Variants in PRMT3 observed in about 807,000 individuals in gnomAD.
PRMT3 encodes the protein protein arginine methyltransferase 3.
Under a neutral mutation model 71.9 loss-of-function variants are expected in PRMT3, and 62 were observed. The observed-to-expected ratio is 0.86, with a 90% confidence interval of 0.70 to 1.07. The LOEUF (loss-of-function observed/expected upper bound fraction) is 1.07. Among genes scored for constraint, PRMT3 ranks in the 50% least tolerant of loss-of-function variants. The probability of loss-of-function intolerance (pLI) is 0.00; values close to 1 mark genes in which losing one functional copy is unlikely to be tolerated. For missense variants in PRMT3, 663 were observed against 643.0 expected, an observed-to-expected ratio of 1.03 and a Z score of -0.34; for synonymous variants, 213 against 220.4, an observed-to-expected ratio of 0.97 and a Z score of 0.30.
At chr11:20,502,030 G>T (rs559163704) in intron 15 of PRMT3, among the ~76,000 whole-genome samples, 1 of 151,884 alleles carries the variant, frequency 6.6e-6, no homozygotes, top group African/African-American at 2.4e-5. Context: ...TCATTGCTCC[G>T]GAAGAAATTA....
intron 15 of PRMT3, among the ~76,000 whole-genome samples, chr11:20,506,121 ATAGCAATATTTTGTGACCATTAAG>A (rs1851585300): frequency 6.6e-6 from 1 of 152,174 alleles, no homozygotes; most frequent in Non-Finnish European, 1.5e-5. Flanking sequence ...CGCTTACCTC[ATAGCAATATTTTGTGACCATTAAG>A]TGAGATAAAT....
rs149683006 is a variant in PRMT3, at chr11:20,435,522, T to G, written c.993+8657T>G. 5.4e-3 allele frequency among the ~76,000 whole-genome samples: 827 copies of G among 152,074 alleles called. 7 individuals carry two copies. The highest frequency in any genetic ancestry group is 0.019 in the African/African-American group (769 of 41,548). On this transcript the variant is annotated intron_variant, in intron 10 of 15. Transcript: ENST00000331079. ...GTTGATTTTTGTATATGGTAGGAGA[T>G]AGGGATCTAGTTTGATTTTTGTTTG...
At chr11:20,424,960 C>T (rs1299790192) in intron 9 of PRMT3, among the ~76,000 whole-genome samples, 1 of 151,978 alleles carries the variant, frequency 6.6e-6, no homozygotes, top group African/African-American at 2.4e-5. Context: ...AAATATTAGC[C>T]AGGCATGGTG....
chr11:20,406,071 C>T (rs1398325886), intron 8 of PRMT3: 1 of 152,158 alleles, frequency 6.6e-6, no homozygotes, highest in Admixed American at 6.5e-5. Flanking sequence ...ACAGTCGTTC[C>T]TTCAGTATCT....
intron 8 of PRMT3, chr11:20,405,907 C>T (rs778369488): frequency 4.0e-5 from 6 of 151,796 alleles, no homozygotes; most frequent in Non-Finnish European, 5.9e-5. Flanking sequence ...CCACCTCCAT[C>T]TCCAGAACTC....
intron 7 of PRMT3, among the ~76,000 whole-genome samples, chr11:20,400,073 T>C (rs909389997): frequency 6.6e-6 from 1 of 152,212 alleles, no homozygotes; most frequent in African/African-American, 2.4e-5. Context: ...AAGCATGCCT[T>C]ATATCACAGC....
chr11:20,508,149 TAAAAAAAAAAA>T (rs11338942), intron 15 of PRMT3, among the ~76,000 whole-genome samples, 144 bp from the exon 16 acceptor site: 2 of 122,890 alleles, frequency 1.6e-5, no homozygotes, highest in East Asian at 2.3e-4. Context: ...GACTCCATCT[TAAAAAAAAAAA>T]AAAAAAAAAA....
chr11:20,411,480 C>A (rs991018012), intron 9 of PRMT3, among the ~76,000 whole-genome samples: 1 of 152,058 alleles, frequency 6.6e-6, no homozygotes, highest in African/African-American at 2.4e-5. Flanking sequence ...TTCCTGCTAG[C>A]TCCAAAGTAT....
At chr11:20,444,644 G>A (rs1849983133) in intron 10 of PRMT3, among the ~76,000 whole-genome samples, 1 of 152,104 alleles carries the variant, frequency 6.6e-6, no homozygotes, top group African/African-American at 2.4e-5. Flanking sequence ...CTTTAAATTT[G>A]TTCAGACTTG....
chr11:20,446,354 TC>T (rs1165637721), intron 10 of PRMT3, among the ~76,000 whole-genome samples: 2 of 3,900 alleles, frequency 5.1e-4, no homozygotes, highest in Non-Finnish European at 9.1e-4. Context: ...GGTTGCATAC[TC>T]TTTTTTTTTT....
chr11:20,479,884 G>A (rs2133431005), intron 13 of PRMT3, among the ~76,000 whole-genome samples: 1 of 152,244 alleles, frequency 6.6e-6, no homozygotes, highest in African/African-American at 2.4e-5. Flanking sequence ...AAATGTTCAA[G>A]AATGTCCATT....
At chr11:20,443,682 C>G (rs1039630579) in intron 10 of PRMT3, among the ~76,000 whole-genome samples, 1 of 152,130 alleles carries the variant, frequency 6.6e-6, no homozygotes, top group East Asian at 1.9e-4. Flanking sequence ...AAGACCCACA[C>G]GTGCCTTGGG....
chr11:20,436,119 C>A (rs939392465), intron 10 of PRMT3, among the ~76,000 whole-genome samples: 3 of 152,078 alleles, frequency 2.0e-5, no homozygotes, highest in African/African-American at 7.2e-5. Context: ...TTTATTACTT[C>A]CCCTGGGTAT....
intron 11 of PRMT3, among the ~76,000 whole-genome samples, chr11:20,460,091 A>G (rs2133398360): frequency 2.0e-5 from 3 of 152,316 alleles, no homozygotes; most frequent in South Asian, 2.1e-4. Context: ...CGTTGGTGCC[A>G]GTAAATCTTA....
chr11:20,422,937 A>G (rs1162329458), intron 9 of PRMT3, among the ~76,000 whole-genome samples: 1 of 152,092 alleles, frequency 6.6e-6, no homozygotes, highest in Admixed American at 6.5e-5. Flanking sequence ...TAACCCATCC[A>G]CCCCATTTGA....
rs114103872 is a variant in PRMT3, at chr11:20,456,460, C to T, written c.1072+4252C>T. On this transcript the variant is annotated intron_variant, in intron 11 of 15. Transcript: ENST00000331079. Reference sequence around the variant, plus strand: ...TTTTCTAGCACCCTTAATTGAAATGCTGTTCTTTCCCATGAATTGCTTGGC... The same window carrying T: ...TTTTCTAGCACCCTTAATTGAAATGTTGTTCTTTCCCATGAATTGCTTGGC... 4.5e-3 allele frequency among the ~76,000 whole-genome samples: 684 copies of T among 152,200 alleles called. 1 individual carries two copies. The highest frequency in any genetic ancestry group is 0.015 in the African/African-American group (638 of 41,524).
At chr11:20,491,256 G>A (rs1008936702) in intron 13 of PRMT3, among the ~76,000 whole-genome samples, 4 of 152,066 alleles carry the variant, frequency 2.6e-5, no homozygotes, top group African/African-American at 4.8e-5. Context: ...TTCTGTCACC[G>A]TTGGAACATG....
At chr11:20,440,282 G>T (rs985642228) in intron 10 of PRMT3, among the ~76,000 whole-genome samples, 3 of 152,120 alleles carry the variant, frequency 2.0e-5, no homozygotes, top group African/African-American at 7.2e-5. Flanking sequence ...CTTAAGCCCA[G>T]AAGTTCAAGA....
At chr11:20,472,430 C>G (rs1850668999) in intron 13 of PRMT3, among the ~76,000 whole-genome samples, 1 of 152,118 alleles carries the variant, frequency 6.6e-6, no homozygotes, top group South Asian at 2.1e-4. Context: ...TTACTGAAGG[C>G]CTTTTCTGCA....
Sources: allele counts gnomAD v4.1 joint callset (sites outside exome capture counted in the v4.1 genomes callset), GRCh38; gene constraint gnomAD v4.1.1; transcripts MANE v1.5; gene names NCBI Gene and HGNC (gene_info 2026-07-23, HGNC 2026-07-21).